Variants in HS6ST2 observed in about 807,000 individuals in gnomAD.
HS6ST2 encodes heparan-sulfate 6-O-sulfotransferase 2.
Under a neutral mutation model 33.0 loss-of-function variants are expected in HS6ST2, and 17 were observed. That is an observed-to-expected ratio of 0.52 (90% CI 0.35 to 0.77). The LOEUF is 0.77. Among genes scored for constraint, HS6ST2 ranks in the 30% least tolerant of loss-of-function variants. The pLI, the probability that HS6ST2 is intolerant of heterozygous loss-of-function variation, is 0.01. For missense variants in HS6ST2, 519 were observed against 551.7 expected (o/e 0.94, Z 0.59); for synonymous variants, 248 against 237.1 (o/e 1.05, Z -0.42).
intron 2 of HS6ST2, among the ~76,000 whole-genome samples, chrX:132,734,721 G>A (rs1446187511): frequency 1.8e-5 from 2 of 112,482 alleles, no homozygotes; most frequent in Non-Finnish European, 3.7e-5. Flanking sequence ...CTCTTTACAA[G>A]CAAAGCCAAC....
intron 2 of HS6ST2, among the ~76,000 whole-genome samples, chrX:132,828,796 A>G (rs1466029085): frequency 9.9e-6 from 1 of 101,432 alleles, no homozygotes; most frequent in African/African-American, 3.6e-5. Flanking sequence ...GCATATACAT[A>G]TTTATATATT....
chrX:132,933,785 T>C lies in HS6ST2; in HGVS notation c.947+23023A>G, dbSNP rs1316673638. Among the ~76,000 whole-genome samples, 3 of 111,390 alleles carry C rather than the reference T, an allele frequency of 2.7e-5. No individual in the cohort carries two copies. The East Asian group carries it at 8.5e-4, about 32-fold the overall frequency. ...ACAGCTAACTTCTCATCAGACACAA[T>C]AGAGGACAAAGGCAGTGGGATGGCA... is the stretch of plus-strand genomic sequence containing the variant. On this transcript the variant is annotated intron_variant, in intron 2 of 4. Coordinates refer to ENST00000370833, the MANE Select transcript of HS6ST2 (RefSeq NM_001394073.1).
intron 2 of HS6ST2, among the ~76,000 whole-genome samples, chrX:132,802,877 C>T (rs762234385): frequency 9.1e-6 from 1 of 109,639 alleles, no homozygotes; most frequent in African/African-American, 3.3e-5. Flanking sequence ...GGCTCAAACG[C>T]TCTCCTTTCA....
intron 2 of HS6ST2, among the ~76,000 whole-genome samples, chrX:132,718,178 T>C: frequency 8.9e-6 from 1 of 111,824 alleles, no homozygotes; most frequent in Non-Finnish European, 1.9e-5. Flanking sequence ...TCTATACTCA[T>C]TGCCTAAATG....
chrX:132,836,800 G>T (rs1410408580), intron 2 of HS6ST2, among the ~76,000 whole-genome samples: 2 of 112,440 alleles, frequency 1.8e-5, no homozygotes, highest in African/African-American at 3.2e-5. Flanking sequence ...AGTGAGTTTA[G>T]GTTGGTTAGT....
At chrX:132,902,198 C>G (rs993400890) in intron 2 of HS6ST2, among the ~76,000 whole-genome samples, 1 of 109,333 alleles carries the variant, frequency 9.1e-6, no homozygotes, top group Non-Finnish European at 1.9e-5. Flanking sequence ...ACCTCCTGGG[C>G]TCAAGCAATC....
chrX:132,628,134 A>G lies in HS6ST2; in HGVS notation c.*89T>C, dbSNP rs1022970990. ...TTAAAACTTCCCCAATGAAGGAAGC[A>G]GGATGTGTTTGGACACTTTCATCTT... On this transcript the variant is annotated 3_prime_UTR_variant, in exon 5 of 5. Coordinates refer to ENST00000370833, the MANE Select transcript of HS6ST2 (RefSeq NM_001394073.1). The G allele has an allele frequency of 1.5e-6, 1 of 675,602 alleles. No individual in the cohort carries two copies. Among genetic ancestry groups the G allele is most frequent in the African/African-American group, 2.2e-5 (1 of 45,601 alleles). 55.7% of individuals were successfully genotyped at this position (675,602 alleles called of 1,213,427 possible).
intron 2 of HS6ST2, among the ~76,000 whole-genome samples, chrX:132,858,142 G>T (rs1254841345): frequency 9.0e-6 from 1 of 111,680 alleles, no homozygotes; most frequent in African/African-American, 3.3e-5. Flanking sequence ...ACCAGTATGT[G>T]GTTTCCTGAA....
At chrX:132,932,082 A>G (rs993900577) in intron 2 of HS6ST2, among the ~76,000 whole-genome samples, 1 of 108,290 alleles carries the variant, frequency 9.2e-6, no homozygotes, top group Admixed American at 9.9e-5. Context: ...GCTACTCAGG[A>G]GGCTGAGGCA....
chrX:132,746,017 C>CA (rs2064637038), intron 2 of HS6ST2, among the ~76,000 whole-genome samples: 1 of 111,489 alleles, frequency 9.0e-6, no homozygotes, highest in South Asian at 3.7e-4. Context: ...GGCTACAGTA[C>CA]AAAAAAAGAG....
chrX:132,810,388 A>G (rs945155291), intron 2 of HS6ST2, among the ~76,000 whole-genome samples: 1 of 105,953 alleles, frequency 9.4e-6, no homozygotes, highest in Non-Finnish European at 1.9e-5. Context: ...CCTGGGTGAC[A>G]GTGAGATCAT....
intron 2 of HS6ST2, among the ~76,000 whole-genome samples, chrX:132,743,968 T>C (rs2148290764): frequency 9.0e-6 from 1 of 110,988 alleles, no homozygotes; most frequent in South Asian, 3.9e-4. Flanking sequence ...TGTGTGTGTG[T>C]GTGGAGAAAC....
chrX:132,737,910 G>A (rs1402753444), intron 2 of HS6ST2, among the ~76,000 whole-genome samples: 1 of 112,386 alleles, frequency 8.9e-6, no homozygotes, highest in Admixed American at 9.4e-5. Flanking sequence ...CAGAGAAGAC[G>A]CCTGCAGGGT....
chrX:132,931,962 G>A (rs1362410257), intron 2 of HS6ST2, among the ~76,000 whole-genome samples: 1 of 108,732 alleles, frequency 9.2e-6, no homozygotes, highest in Non-Finnish European at 1.9e-5. Context: ...GAAGGTGGGC[G>A]GATCACAAGG....
intron 2 of HS6ST2, among the ~76,000 whole-genome samples, chrX:132,926,651 A>G (rs770159030): frequency 8.9e-6 from 1 of 112,618 alleles, no homozygotes; most frequent in Non-Finnish European, 1.9e-5. Flanking sequence ...GGCTGAGCGC[A>G]GTAGCTCACA....
chrX:132,737,791 A>G (rs1452048448), intron 2 of HS6ST2, among the ~76,000 whole-genome samples: 1 of 112,627 alleles, frequency 8.9e-6, no homozygotes, highest in Non-Finnish European at 1.9e-5. Context: ...CTCCAAAGCC[A>G]GGGCAGGCAA....
intron 2 of HS6ST2, among the ~76,000 whole-genome samples, chrX:132,930,456 C>T (rs1049357504): frequency 9.0e-6 from 1 of 111,579 alleles, no homozygotes. Flanking sequence ...TGAGCTACTG[C>T]GCCCAGCCAC....
At chrX:132,653,117 G>T (rs1030526238) in intron 4 of HS6ST2, among the ~76,000 whole-genome samples, 3 of 111,442 alleles carry the variant, frequency 2.7e-5, no homozygotes, top group Non-Finnish European at 5.7e-5. Context: ...CATTAATCTC[G>T]AAGCTTTAGC....
chrX:132,671,305 G>A (rs892911165), intron 3 of HS6ST2, among the ~76,000 whole-genome samples: 1 of 111,668 alleles, frequency 9.0e-6, no homozygotes, highest in Admixed American at 9.5e-5. Flanking sequence ...TAAGCAGTAG[G>A]CAGTGGGAAA....
Sources: allele counts gnomAD v4.1 joint callset (sites outside exome capture counted in the v4.1 genomes callset), GRCh38; gene constraint gnomAD v4.1.1; transcripts MANE v1.5; gene names NCBI Gene and HGNC (gene_info 2026-07-23, HGNC 2026-07-21).